The following EHD4 variants were observed in gnomAD, a reference collection of about 807,000 sequenced individuals.
EHD4 encodes the protein EH domain containing 4.
In EHD4, 37 loss-of-function variants were observed where a neutral mutation model predicts 51.0. The observed-to-expected ratio is 0.73, with a 90% CI of 0.56 to 0.95. EHD4 has a LOEUF of 0.95. Among genes scored for constraint, EHD4 ranks in the 40% least tolerant of loss-of-function variants. The pLI, the probability that EHD4 is intolerant of heterozygous loss-of-function variation, is 0.00. For missense variants in EHD4, 632 were observed against 733.1 expected (o/e 0.86, Z 1.59); for synonymous variants, 297 against 317.3 (o/e 0.94, Z 0.68).
chr15:41,902,378 T>C (rs1382835192), intron 5 of EHD4, among the ~76,000 whole-genome samples: 1 of 152,100 alleles, frequency 6.6e-6, no homozygotes, highest in Non-Finnish European at 1.5e-5. Flanking sequence ...CAACAATTCA[T>C]CCATCCATCC....
At chr15:41,906,899 G>A (rs920760203) in intron 5 of EHD4, among the ~76,000 whole-genome samples, 11 of 152,190 alleles carry the variant, frequency 7.2e-5, no homozygotes, top group Admixed American at 7.2e-4. Context: ...GCATAGACCT[G>A]AGTCCAGGTG....
chr15:41,905,391 G>A (rs760683314), intron 5 of EHD4, among the ~76,000 whole-genome samples: 15 of 152,308 alleles, frequency 9.8e-5, no homozygotes, highest in South Asian at 8.3e-4. Flanking sequence ...TCGAGGCTGC[G>A]TCAGGGCCTG....
intron 5 of EHD4, among the ~76,000 whole-genome samples, chr15:41,904,858 G>A (rs994545685): frequency 6.6e-6 from 1 of 152,240 alleles, no homozygotes; most frequent in South Asian, 2.1e-4. Flanking sequence ...TCCCCAGAGC[G>A]TGCCAGGCAC....
chr15:41,971,716 C>G (rs575550224), intron 1 of EHD4, among the ~76,000 whole-genome samples: 3 of 152,232 alleles, frequency 2.0e-5, no homozygotes, highest in Non-Finnish European at 4.4e-5. Context: ...ATGAACTGAA[C>G]GTAGGCGGCC....
At position 41,919,307 on chromosome 15, in the gene EHD4, G is replaced by C. The variant is rs2067607101; in HGVS notation, c.827C>G (p.Ala276Gly). 1 of 1,614,110 alleles carries C rather than the reference G, an allele frequency of 6.2e-7. No individual in the cohort carries two copies. The highest frequency in any genetic ancestry group is 1.3e-5 in the African/African-American group (1 of 74,950). Residue 276 changes from alanine to glycine, a missense_variant, in exon 4 of 6, where the codon GCT becomes GGT. By Grantham distance (60) the Ala-to-Gly change is moderately conservative. Transcript: ENST00000220325. ...GTCTCTAAAGAGGTCCTGGGCCTCA[G>C]CCTCGAAGAGCCGGCGGTTGTCCGT... ...QNTDNRRLFE[A>G]EAQDLFRDIQ...
chr15:41,953,809 T>C lies in EHD4; in HGVS notation c.368A>G (p.Lys123Arg), dbSNP rs774459679. 3 of 1,612,968 alleles carry C rather than the reference T, an allele frequency of 1.9e-6. No individual in the cohort carries two copies. Among genetic ancestry groups the C allele is most frequent in the Non-Finnish European group, 2.5e-6 (3 of 1,179,674 alleles). ...AAAGCGACTGAGCTTTCTAAACGGC[T>C]TTTTGGGGTCCACGACTAAAGCATT... ...PGNALVVDPK[K>R]PFRKLSRFGN... Residue 123 changes from lysine to arginine, a missense_variant, in exon 2 of 6, where the codon AAG becomes AGG. Transcript: ENST00000220325.
intron 1 of EHD4, 104 bp from the exon 2 acceptor site, chr15:41,954,044 G>A (rs1264573913): frequency 2.3e-5 from 29 of 1,266,466 alleles, no homozygotes; most frequent in Non-Finnish European, 2.7e-5. Context: ...ATTTAAAAAC[G>A]TAGAAACATA....
chr15:41,907,405 A>G (rs1227440181), intron 5 of EHD4, among the ~76,000 whole-genome samples: 4 of 152,226 alleles, frequency 2.6e-5, no homozygotes, highest in Non-Finnish European at 5.9e-5. Flanking sequence ...CTGCTCCTGG[A>G]GGCCACAACA....
intron 5 of EHD4, among the ~76,000 whole-genome samples, chr15:41,903,328 G>GAA (rs1463625603): frequency 6.6e-5 from 1 of 15,138 alleles, no homozygotes; most frequent in Non-Finnish European, 6.4e-4. Context: ...ATGCTTTCTT[G>GAA]TAAAAAAAAA....
rs146298702 is a variant in EHD4, at chr15:41,938,455, G to A, written c.511+4612C>T. Among the ~76,000 whole-genome samples, 394 of 152,274 alleles carry A rather than the reference G, an allele frequency of 2.6e-3. 1 individual carries two copies. Among genetic ancestry groups the A allele is most frequent in the Non-Finnish European group, 4.5e-3 (304 of 68,034 alleles). ...CCTCCCGGCTTCATGTACTATTACT[G>A]TCCACTGCTTTTACCAGCAGGGCAT... On this transcript the variant is annotated intron_variant, in intron 3 of 5. Transcript: ENST00000220325.
At chr15:41,912,816 G>T (rs1197931431) in intron 4 of EHD4, among the ~76,000 whole-genome samples, 1 of 152,298 alleles carries the variant, frequency 6.6e-6, no homozygotes, top group South Asian at 2.1e-4. Context: ...GGACATCCAT[G>T]TGACTCACTC....
In EHD4 at chr15:41,972,335, C is replaced by T. The variant is rs1421762854; in HGVS notation, c.160G>A (p.Glu54Lys). The change falls in exon 1 of 6, where the codon GAG becomes AAG. Residue 54 changes from glutamate (E) to lysine (K), a missense_variant. Transcript: ENST00000220325. ...RFHEFHSPALEDADFENKPMI... is the reference protein window; with the variant it reads ...RFHEFHSPALKDADFENKPMI... ...GGCTTGTTCTCGAAGTCGGCGTCCT[C>T]CAGCGCAGGCGAGTGGAACTCGTGG... 2 of 1,611,366 alleles carry T rather than the reference C, an allele frequency of 1.2e-6. No homozygotes were observed. The highest frequency in any genetic ancestry group is 1.6e-4 in the Middle Eastern group (1 of 6,070).
At chr15:41,966,257 A>G (rs1264378014) in intron 1 of EHD4, among the ~76,000 whole-genome samples, 1 of 151,666 alleles carries the variant, frequency 6.6e-6, no homozygotes, top group Non-Finnish European at 1.5e-5. Flanking sequence ...TCACAGGCAC[A>G]CCTCTTGGCA....
chr15:41,958,084 C>G, intron 1 of EHD4, among the ~76,000 whole-genome samples: 1 of 151,400 alleles, frequency 6.6e-6, no homozygotes, highest in East Asian at 1.9e-4. Flanking sequence ...TTCAGGGACT[C>G]TAGTATTATC....
At chr15:41,911,519 T>A (rs1187670143) in intron 4 of EHD4, among the ~76,000 whole-genome samples, 3 of 152,174 alleles carry the variant, frequency 2.0e-5, no homozygotes, top group Non-Finnish European at 2.9e-5. Context: ...GGGAGCACCC[T>A]TGGACTGGAG....
chr15:41,919,312 G>T lies in EHD4; in HGVS notation c.822C>A (p.Phe274Leu). ...PLQNTDNRRL[F>L]EAEAQDLFRD... The stretch of plus-strand genomic sequence containing the variant: ...TAAAGAGGTCCTGGGCCTCAGCCTC[G>T]AAGAGCCGGCGGTTGTCCGTGTTCT... The change falls in exon 4 of 6, where the codon TTC (phenylalanine) becomes TTA (leucine). Residue 274 changes from phenylalanine to leucine, a missense_variant. Physicochemically the swap from Phe to Leu is conservative, Grantham distance 22. Coordinates refer to ENST00000220325, the MANE Select transcript of EHD4 (RefSeq NM_139265.4). 6.2e-7 allele frequency: 1 copy of T among 1,614,202 alleles called. No homozygotes were observed. The highest frequency in any genetic ancestry group is 8.5e-7 in the Non-Finnish European group (1 of 1,180,046).
At chr15:41,942,113 C>G (rs1451929128) in intron 3 of EHD4, 1 of 152,258 alleles carries the variant, frequency 6.6e-6, no homozygotes, top group Non-Finnish European at 1.5e-5. Context: ...TGCCTCTGGA[C>G]CTGTGATGGC....
Position 41,919,358 on chromosome 15 carries a change from G to A in EHD4, c.776C>T (p.Ser259Phe). Residue 259 changes from serine (S) to phenylalanine (F), a missense_variant, in exon 4 of 6, where the codon TCC becomes TTC. Physicochemically the swap from Ser to Phe is radical, Grantham distance 155. Transcript: ENST00000220325. ...TPEVLRVYIG[S>F]FWAQPLQNTD... ...GTTCTGCAGGGGCTGCGCCCAGAAG[G>A]AGCCAATGTAGACGCGCAGTACCTC... 1 of 1,614,154 alleles carries A rather than the reference G, an allele frequency of 6.2e-7. No homozygotes were observed. The highest frequency in any genetic ancestry group is 8.5e-7 in the Non-Finnish European group (1 of 1,180,006).
rs772209765 is a variant in EHD4, at chr15:41,953,822, C to G, written c.355G>C (p.Val119Leu). The stretch of plus-strand genomic sequence containing the variant: ...TTTCTAAACGGCTTTTTGGGGTCCA[C>G]GACTAAAGCATTCCCTGGGGTGCTG... Reference protein sequence around the residue: ...EGSTPGNALVVDPKKPFRKLS... With the variant: ...EGSTPGNALVLDPKKPFRKLS... The change falls in exon 2 of 6, where the codon GTG becomes CTG. Residue 119 changes from valine to leucine, a missense_variant. By Grantham distance (32) the Val-to-Leu change is conservative. Coordinates refer to ENST00000220325, the MANE Select transcript of EHD4 (RefSeq NM_139265.4). 3 of 1,613,742 alleles carry G rather than the reference C, an allele frequency of 1.9e-6. No individual in the cohort carries two copies. The highest frequency in any genetic ancestry group is 2.5e-6 in the Non-Finnish European group (3 of 1,179,920).
Sources: gnomAD v4.1 joint callset for allele counts (sites outside exome capture counted in the v4.1 genomes callset) on GRCh38, gnomAD v4.1.1 for gene constraint, MANE v1.5 for transcripts, NCBI Gene and HGNC (gene_info 2026-07-23, HGNC 2026-07-21) for gene names.